The following ATP8B4 variants were observed in gnomAD, a reference collection of about 807,000 sequenced individuals.
ATP8B4 encodes probable phospholipid-transporting ATPase IM.
In ATP8B4, 133 loss-of-function variants were observed where a neutral mutation model predicts 145.6. The observed-to-expected ratio is 0.91, with a 90% CI of 0.79 to 1.05. The LOEUF (loss-of-function observed/expected upper bound fraction) is 1.05. Ranked by LOEUF, ATP8B4 falls within the 50% of genes least tolerant of loss-of-function variation. The probability of loss-of-function intolerance (pLI) is 0.00; values close to 1 mark genes in which losing one functional copy is unlikely to be tolerated. For synonymous variants in ATP8B4, 507 were observed against 492.9 expected (o/e 1.03, Z -0.38); for missense variants, 1,458 against 1,425.2 (o/e 1.02, Z -0.37).
intron 1 of ATP8B4, among the ~76,000 whole-genome samples, chr15:50,149,678 A>G (rs2044322593): frequency 1.3e-5 from 2 of 152,134 alleles, no homozygotes; most frequent in East Asian, 1.9e-4. Context: ...GCAAAGAAAG[A>G]CTCTCTAAAA....
At chr15:49,914,541 T>A (rs1407745551) in intron 20 of ATP8B4, among the ~76,000 whole-genome samples, 3 of 152,034 alleles carry the variant, frequency 2.0e-5, no homozygotes, top group African/African-American at 7.2e-5. Flanking sequence ...GAAGAGACAG[T>A]CTGTTGAAAG....
intron 2 of ATP8B4, among the ~76,000 whole-genome samples, chr15:50,085,837 T>G (rs1322518236): frequency 2.5e-5 from 3 of 122,252 alleles, no homozygotes; most frequent in African/African-American, 9.4e-5. Context: ...ATATATGATA[T>G]AGATTATTTT....
chr15:49,939,041 T>G (rs2041953687), intron 14 of ATP8B4, among the ~76,000 whole-genome samples: 1 of 152,090 alleles, frequency 6.6e-6, no homozygotes, highest in African/African-American at 2.4e-5. Flanking sequence ...AGTCAAAAAT[T>G]ATTTGAAATA....
At chr15:50,054,239 A>G (rs912491442) in intron 3 of ATP8B4, among the ~76,000 whole-genome samples, 2 of 152,230 alleles carry the variant, frequency 1.3e-5, no homozygotes, top group Admixed American at 6.5e-5. Flanking sequence ...TCAGATACTC[A>G]TAACGGAGCA....
chr15:50,039,518 T>C (rs1341804617), intron 5 of ATP8B4, among the ~76,000 whole-genome samples: 1 of 152,164 alleles, frequency 6.6e-6, no homozygotes, highest in African/African-American at 2.4e-5. Context: ...CAGGTAAGTC[T>C]TCCTATGTGA....
At position 50,060,812 on chromosome 15, in the gene ATP8B4, C is replaced by T. The variant is rs577813643; in HGVS notation, c.87+13315G>A. On this transcript the variant is annotated intron_variant, in intron 3 of 27. Coordinates refer to ENST00000284509, the MANE Select transcript of ATP8B4 (RefSeq NM_024837.4). The stretch of plus-strand genomic sequence containing the variant: ...TGGTGGGGCCCGAGAGTCTGCATTT[C>T]TAACAAGCTCCAGGTGAGGCCAATG... Among the ~76,000 whole-genome samples the T allele has an allele frequency of 3.3e-5, 5 of 152,248 alleles. No individual in the cohort carries two copies. In the South Asian group the frequency reaches 8.3e-4, roughly 25 times the overall value.
At chr15:50,030,916 A>G (rs1355391959) in intron 6 of ATP8B4, among the ~76,000 whole-genome samples, 1 of 152,228 alleles carries the variant, frequency 6.6e-6, no homozygotes, top group Non-Finnish European at 1.5e-5. Context: ...TACAGTGGAA[A>G]ATCATTTAAA....
At chr15:49,948,875 T>C (rs1181182495) in intron 14 of ATP8B4, among the ~76,000 whole-genome samples, 1 of 152,228 alleles carries the variant, frequency 6.6e-6, no homozygotes, top group Non-Finnish European at 1.5e-5. Flanking sequence ...TCTTTGCCCA[T>C]GTCTATGTCT....
chr15:50,002,245 A>C, intron 7 of ATP8B4, 22 bp from the exon 8 acceptor site: 1 of 1,578,150 alleles, frequency 6.3e-7, no homozygotes, highest in South Asian at 1.1e-5. Context: ...AATCATAACA[A>C]AAGAATACTT....
At chr15:50,067,561 C>G (rs2053466894) in intron 3 of ATP8B4, among the ~76,000 whole-genome samples, 1 of 152,146 alleles carries the variant, frequency 6.6e-6, no homozygotes, top group African/African-American at 2.4e-5. Flanking sequence ...ATTTACAGGC[C>G]ACATCACAAA....
chr15:50,166,154 T>A (rs2044596285), intron 1 of ATP8B4, among the ~76,000 whole-genome samples: 1 of 152,132 alleles, frequency 6.6e-6, no homozygotes, highest in Non-Finnish European at 1.5e-5. Flanking sequence ...GAATAAAACC[T>A]ATCATAGAAT....
chr15:50,022,229 A>T (rs1007076711), intron 6 of ATP8B4, among the ~76,000 whole-genome samples: 8 of 152,120 alleles, frequency 5.3e-5, no homozygotes, highest in African/African-American at 1.9e-4. Context: ...AGTTTTTCAC[A>T]TTTTTAGTTG....
At chr15:49,870,384 G>T (rs1358462741) in intron 25 of ATP8B4, among the ~76,000 whole-genome samples, 1 of 152,046 alleles carries the variant, frequency 6.6e-6, no homozygotes, top group Admixed American at 6.6e-5. Flanking sequence ...AAGGAAGATG[G>T]TTCATTTTAT....
At chr15:50,135,173 T>C (rs1274737764) in intron 1 of ATP8B4, among the ~76,000 whole-genome samples, 8 of 152,192 alleles carry the variant, frequency 5.3e-5, no homozygotes, top group African/African-American at 1.9e-4. Flanking sequence ...AAAAGCTATC[T>C]TTTCTCCTTT....
intron 14 of ATP8B4, among the ~76,000 whole-genome samples, chr15:49,940,013 G>C (rs2042038208): frequency 6.6e-6 from 1 of 152,090 alleles, no homozygotes; most frequent in Non-Finnish European, 1.5e-5. Context: ...ATCTAAAACA[G>C]AACTACCATT....
At chr15:49,979,203 A>G (rs942569735) in intron 12 of ATP8B4, among the ~76,000 whole-genome samples, 39 of 152,068 alleles carry the variant, frequency 2.6e-4, no homozygotes, top group African/African-American at 9.2e-4. Flanking sequence ...AAGGTTATGG[A>G]GCTAGTAAGT....
intron 14 of ATP8B4, among the ~76,000 whole-genome samples, chr15:49,942,113 G>A (rs535360875): frequency 8.5e-5 from 13 of 152,228 alleles, no homozygotes; most frequent in Non-Finnish European, 2.9e-5. Context: ...CAGGTGATGA[G>A]TGCACTGTAA....
intron 20 of ATP8B4, among the ~76,000 whole-genome samples, chr15:49,909,329 T>C (rs2038973807): frequency 6.6e-6 from 1 of 152,152 alleles, no homozygotes; most frequent in Non-Finnish European, 1.5e-5. Flanking sequence ...CCCGTGGACC[T>C]GGGGAATGGC....
intron 6 of ATP8B4, among the ~76,000 whole-genome samples, chr15:50,012,548 C>A: frequency 6.6e-6 from 1 of 152,082 alleles, no homozygotes; most frequent in East Asian, 1.9e-4. Flanking sequence ...TTACAATGGA[C>A]AATTGGACAC....
Sources: allele counts gnomAD v4.1 joint callset (sites outside exome capture counted in the v4.1 genomes callset), GRCh38; gene constraint gnomAD v4.1.1; transcripts MANE v1.5; gene names NCBI Gene and HGNC (gene_info 2026-07-23, HGNC 2026-07-21).